The following C6orf62 variants were observed in gnomAD, a reference collection of about 807,000 sequenced individuals.
The protein encoded by C6orf62 is uncharacterized protein C6orf62.
A neutral mutation model predicts 26.8 loss-of-function variants in C6orf62; 16 were observed. That is an observed-to-expected ratio of 0.60 (90% CI 0.40 to 0.91). C6orf62 has a LOEUF of 0.91. C6orf62 is among the 40% of genes least tolerant of loss of function. The probability of loss-of-function intolerance (pLI) is 0.00; values close to 1 mark genes in which losing one functional copy is unlikely to be tolerated. For missense variants in C6orf62, 192 were observed against 271.4 expected, an observed-to-expected ratio of 0.71 and a Z score of 2.06; for synonymous variants, 112 against 91.5, an observed-to-expected ratio of 1.22 and a Z score of -1.28.
intron 1 of C6orf62, 33 bp downstream of exon 1, chr6:24,718,507 T>C (rs749233130): frequency 1.9e-6 from 3 of 1,553,610 alleles, no homozygotes; most frequent in Non-Finnish European, 2.6e-6. Flanking sequence ...AAAAATTACT[T>C]GTGCTAATTC....
upstream of C6orf62, chr6:24,719,735 G>A: frequency 6.5e-7 from 1 of 1,531,468 alleles, no homozygotes; most frequent in Non-Finnish European, 8.8e-7. Context: ...TTATCTTCTT[G>A]TGAGCATTGC....
intron 3 of C6orf62, among the ~76,000 whole-genome samples, chr6:24,714,071 T>C (rs948312393): frequency 2.0e-5 from 3 of 152,288 alleles, no homozygotes; most frequent in Non-Finnish European, 2.9e-5. Context: ...TCAGTAAATG[T>C]CCACTTTAAA....
At position 24,712,774 on chromosome 6, in the gene C6orf62, C is replaced by T. The variant is rs145117031; in HGVS notation, c.429+1544G>A. On this transcript the variant is annotated intron_variant, in intron 3 of 4. Coordinates refer to ENST00000378119, the MANE Select transcript of C6orf62 (RefSeq NM_030939.5). ...CATGACTTCAAAGAGTACTATTTGA[C>T]ACAAGACTAAAGTTAACTCAACTAT... Among the ~76,000 whole-genome samples the T allele has an allele frequency of 1.9e-3, 292 of 150,708 alleles. 2 individuals carry two copies. The highest frequency in any genetic ancestry group is 6.9e-3 in the Middle Eastern group (2 of 288).
chr6:24,716,508 C>G (rs1049270088), intron 1 of C6orf62, among the ~76,000 whole-genome samples, 184 bp from the exon 2 acceptor site: 1 of 152,194 alleles, frequency 6.6e-6, no homozygotes, highest in Non-Finnish European at 1.5e-5. Context: ...CCCCCTCCAA[C>G]CATACATGTA....
upstream of C6orf62, chr6:24,720,353 A>G (rs1779331723): frequency 1.6e-6 from 2 of 1,238,952 alleles, no homozygotes; most frequent in East Asian, 3.4e-5. Context: ...CCACCAGCCA[A>G]CTGAGCCCCT....
chr6:24,717,158 C>A (rs192454408), intron 1 of C6orf62, among the ~76,000 whole-genome samples: 3 of 152,276 alleles, frequency 2.0e-5, no homozygotes, highest in Admixed American at 1.3e-4. Context: ...TTATTCAGGG[C>A]AACTGCATGG....
chr6:24,707,303 C>T (rs1161485928), intron 4 of C6orf62, among the ~76,000 whole-genome samples: 1 of 152,002 alleles, frequency 6.6e-6, no homozygotes, highest in Non-Finnish European at 1.5e-5. Flanking sequence ...CATCTAAAAA[C>T]TAAATTGCAA....
At chr6:24,716,381 A>C (rs1779231386) in intron 1 of C6orf62, 57 bp from the exon 2 acceptor site, 1 of 1,230,100 alleles carries the variant, frequency 8.1e-7, no homozygotes, top group South Asian at 1.3e-5. Flanking sequence ...TTTAACACTC[A>C]GTTCATATTA....
upstream of C6orf62, chr6:24,720,285 AGGC>A (rs3841338): frequency 9.6e-5 from 124 of 1,298,256 alleles, no homozygotes; most frequent in South Asian, 2.7e-4. Context: ...GCGGCGGAAG[AGGC>A]GGCGGCGGCG....
In C6orf62 at chr6:24,710,166, G is replaced by T. The variant is rs927088682; in HGVS notation, c.430-1255C>A. 17 of 984,938 alleles carry T rather than the reference G, an allele frequency of 1.7e-5. No individual in the cohort carries two copies. In the African/African-American group the frequency reaches 3.0e-4, roughly 17 times the overall value. 61.0% of individuals were successfully genotyped at this position (984,938 alleles called of 1,614,324 possible). A position where few individuals can be genotyped will look rare whatever the true frequency, so the allele number is the denominator to read the frequency against. ...AATAAGGTTACTTCAGCCTTAAGGG[G>T]CTTATTATACTGCTGAAGAGGACAA... On this transcript the variant is annotated intron_variant, in intron 3 of 4. Coordinates refer to ENST00000378119, the MANE Select transcript of C6orf62 (RefSeq NM_030939.5).
chr6:24,708,020 A>C (rs923417069), intron 4 of C6orf62, among the ~76,000 whole-genome samples: 4 of 150,550 alleles, frequency 2.7e-5, no homozygotes, highest in African/African-American at 9.8e-5. Flanking sequence ...AAAAAAAAAA[A>C]CGTCCAGGTC....
chr6:24,720,499 G>A (rs980749871), upstream of C6orf62: 3 of 601,826 alleles, frequency 5.0e-6, no homozygotes, highest in Non-Finnish European at 6.5e-6. Flanking sequence ...AGCGGCAACA[G>A]GGAGAGAAAA....
upstream of C6orf62, chr6:24,720,086 A>C (rs2127637669): frequency 7.2e-7 from 1 of 1,385,112 alleles, no homozygotes; most frequent in East Asian, 2.8e-5. Flanking sequence ...CCATGTTTCC[A>C]GAGTTTGGAT....
intron 3 of C6orf62, chr6:24,710,596 G>C (rs1415548152): frequency 1.4e-5 from 14 of 968,698 alleles, no homozygotes; most frequent in Non-Finnish European, 1.7e-5. Flanking sequence ...ACCACTATAG[G>C]AGAAAAAAAA....
chr6:24,714,568 A>T, intron 2 of C6orf62, 128 bp from the exon 3 acceptor site: 2 of 598,744 alleles, frequency 3.3e-6, no homozygotes, highest in Non-Finnish European at 5.6e-6. Context: ...ATATCATTTT[A>T]TATCTTAGGA....
chr6:24,720,136 G>T (rs1416943631), upstream of C6orf62: 1 of 1,388,980 alleles, frequency 7.2e-7, no homozygotes, highest in African/African-American at 1.5e-5. Flanking sequence ...CGAGGGGCAG[G>T]GGGTGGAATT....
At chr6:24,712,769 T>C (rs1779148373) in intron 3 of C6orf62, among the ~76,000 whole-genome samples, 1 of 151,606 alleles carries the variant, frequency 6.6e-6, no homozygotes, top group Admixed American at 6.6e-5. Context: ...AAGAGTACTA[T>C]TTGACACAAG....
upstream of C6orf62, chr6:24,719,847 G>C (rs868580810): frequency 1.3e-6 from 2 of 1,511,200 alleles, no homozygotes; most frequent in Middle Eastern, 1.7e-4. Context: ...TGCCTTCAGC[G>C]GCAGCGACTC....
intron 3 of C6orf62, chr6:24,709,137 T>C (rs1581394282): frequency 3.1e-6 from 3 of 970,728 alleles, no homozygotes; most frequent in Non-Finnish European, 3.7e-6. Flanking sequence ...ACATTTCAAA[T>C]GCTCAACGGT....
Sources: allele counts gnomAD v4.1 joint callset (sites outside exome capture counted in the v4.1 genomes callset), GRCh38; gene constraint gnomAD v4.1.1; transcripts MANE v1.5; gene names NCBI Gene and HGNC (gene_info 2026-07-23, HGNC 2026-07-21).